The following SYF2 variants were observed in gnomAD, a reference collection of about 807,000 sequenced individuals.
SYF2 encodes the protein SYF2 pre-mRNA splicing factor.
In SYF2, 21 loss-of-function variants were observed where a neutral mutation model predicts 32.7. That is an observed-to-expected ratio of 0.64 (90% CI 0.45 to 0.92). The LOEUF (loss-of-function observed/expected upper bound fraction) is 0.92. Among genes scored for constraint, SYF2 ranks in the 40% least tolerant of loss-of-function variants. SYF2 has a pLI of 0.00. For synonymous variants in SYF2, 114 were observed against 103.9 expected (o/e 1.10, Z -0.59); for missense variants, 278 against 296.5 (o/e 0.94, Z 0.46).
rs891626007 is a variant in SYF2 at position 25,222,420 on chromosome 1, T to C, written c.*846A>G. Among the ~76,000 whole-genome samples, 2 of 151,914 alleles carry C rather than the reference T, an allele frequency of 1.3e-5. No individual in the cohort carries two copies. The highest frequency in any genetic ancestry group is 2.9e-5 in the Non-Finnish European group (2 of 68,010). On this transcript the variant is annotated 3_prime_UTR_variant, in exon 7 of 7. Coordinates refer to ENST00000236273, the MANE Select transcript of SYF2 (RefSeq NM_015484.5). ...TCAGAGATACATACTAAAATAATTA[T>C]AGATGAAATTATATATCTAGTATAT...
At position 25,227,478 on chromosome 1, in the gene SYF2, G is replaced by A. The variant is rs1362026244; in HGVS notation, c.431C>T (p.Pro144Leu). The change falls in exon 5 of 7, where the codon CCT becomes CTT. Residue 144 changes from proline to leucine, a missense_variant. Transcript: ENST00000236273. ...QYHRLTKQIK[P>L]DMETYERLRE... ...CAGTCTCTCATATGTTTCCATGTCAGGTTTGATCTGCTTGGTCAACCGATG... is the reference window on the plus strand; with the variant it reads ...CAGTCTCTCATATGTTTCCATGTCAAGTTTGATCTGCTTGGTCAACCGATG... 20 of 1,613,580 alleles carry A rather than the reference G, an allele frequency of 1.2e-5. No homozygotes were observed. The highest frequency in any genetic ancestry group is 1.7e-5 in the Non-Finnish European group (20 of 1,179,928).
chr1:25,230,818 G>C (rs1470315904), intron 2 of SYF2: 1 of 142,802 alleles, frequency 7.0e-6, no homozygotes, highest in African/African-American at 3.0e-5. Context: ...AGGTATCTTA[G>C]ATTTTTTTTT....
chr1:25,228,990 T>C lies in SYF2; in HGVS notation c.258+8A>G. 6.2e-7 allele frequency: 1 copy of C among 1,611,122 alleles called. No homozygotes were observed. Among genetic ancestry groups the C allele is most frequent in the Non-Finnish European group, 8.5e-7 (1 of 1,179,254 alleles). ...TAAATCACTTATGAAGATAGAATAGTTCCTAACCTTTTTCTTTTCCTCTTC... is the reference window on the plus strand; with the variant it reads ...TAAATCACTTATGAAGATAGAATAGCTCCTAACCTTTTTCTTTTCCTCTTC... On this transcript the variant is annotated splice_region_variant and intron_variant, in intron 3 of 6. Transcript: ENST00000236273.
intron 5 of SYF2, among the ~76,000 whole-genome samples, chr1:25,225,497 C>T (rs1363356133): frequency 6.8e-6 from 1 of 146,824 alleles, no homozygotes; most frequent in Non-Finnish European, 1.5e-5. Context: ...CACTGTGCTC[C>T]AGCTTGGGCG....
At chr1:25,230,601 T>C (rs1243256746) in intron 2 of SYF2, 1 of 152,174 alleles carries the variant, frequency 6.6e-6, no homozygotes, top group Admixed American at 6.5e-5. Flanking sequence ...GGAAAAGCCC[T>C]GCAATTAAAG....
Position 25,228,146 on chromosome 1 carries a change from CTT to C in SYF2, c.346_347del (p.Lys116GlufsTer5), listed in dbSNP as rs774658476. On this transcript the variant is annotated frameshift_variant, in exon 4 of 7. Coordinates refer to ENST00000236273, the MANE Select transcript of SYF2 (RefSeq NM_015484.5). LOFTEE classifies it high-confidence loss of function. ...EDAERWERKK[K>X]RKNPDLGFSD... Reference sequence around the variant, plus strand: ...AAAATCCCAGATCAGGGTTTTTCCTCTTCTTTTTCCTCTCCCATCTTTCTGCA... The same window carrying C: ...AAAATCCCAGATCAGGGTTTTTCCTCCTTTTTCCTCTCCCATCTTTCTGCA... 7 of 1,613,926 alleles carry C rather than the reference CTT, an allele frequency of 4.3e-6. No individual in the cohort carries two copies. The highest frequency in any genetic ancestry group is 5.9e-6 in the Non-Finnish European group (7 of 1,179,954).
chr1:25,227,238 G>A (rs560144936), intron 5 of SYF2, among the ~76,000 whole-genome samples: 12 of 152,188 alleles, frequency 7.9e-5, no homozygotes, highest in Middle Eastern at 3.4e-3. Context: ...AGCTGAGACC[G>A]CACCATTCAC....
intron 3 of SYF2, among the ~76,000 whole-genome samples, chr1:25,228,632 G>C (rs565043856): frequency 6.6e-6 from 1 of 152,120 alleles, no homozygotes; most frequent in Non-Finnish European, 1.5e-5. Flanking sequence ...CACTGCACCC[G>C]GCCACTTTAA....
intron 2 of SYF2, 109 bp downstream of exon 2, chr1:25,231,995 C>T: frequency 9.3e-7 from 1 of 1,072,954 alleles, no homozygotes; most frequent in Non-Finnish European, 1.4e-6. Flanking sequence ...TCAGATGATC[C>T]TGCTCTGTTG....
intron 3 of SYF2, 46 bp downstream of exon 3, chr1:25,228,952 C>A (rs765507595): frequency 6.3e-7 from 1 of 1,593,420 alleles, no homozygotes; most frequent in Non-Finnish European, 8.5e-7. Context: ...CTTGATACAA[C>A]AGAATGATTG....
At position 25,232,142 on chromosome 1, in the gene SYF2, G is replaced by A; in HGVS notation, c.94C>T (p.Gln32Ter). 1 of 1,614,068 alleles carries A rather than the reference G, an allele frequency of 6.2e-7. No homozygotes were observed. Among genetic ancestry groups the A allele is most frequent in the Non-Finnish European group, 8.5e-7 (1 of 1,180,022 alleles). ...AGCTCCCGGAATTTGCGCAGTCTCTGTTCGCGCTTCTGAGCGGCCAGCTCC... is the reference window on the plus strand; with the variant it reads ...AGCTCCCGGAATTTGCGCAGTCTCTATTCGCGCTTCTGAGCGGCCAGCTCC... ...AAELAAQKRE[Q>*]RLRKFRELHL... The change falls in exon 2 of 7, where the codon CAG becomes TAG. Residue 32 changes from glutamine to a stop codon, truncating the protein, a stop_gained. Transcript: ENST00000236273. LOFTEE classifies it high-confidence loss of function.
At chr1:25,231,219 G>A (rs546139496) in intron 2 of SYF2, 1 of 152,214 alleles carries the variant, frequency 6.6e-6, no homozygotes, top group African/African-American at 2.4e-5. Flanking sequence ...GGTCATTCTT[G>A]TAATTTGAAA....
intron 4 of SYF2, among the ~76,000 whole-genome samples, 189 bp downstream of exon 4, chr1:25,227,929 C>G (rs1638545232): frequency 1.3e-5 from 2 of 152,184 alleles, no homozygotes. Flanking sequence ...ATTTAAAAAC[C>G]TGGCTAACTG....
intron 2 of SYF2, chr1:25,231,888 G>A (rs910762935): frequency 9.7e-6 from 6 of 620,490 alleles, no homozygotes; most frequent in African/African-American, 7.3e-5. Context: ...GGATGTGGGT[G>A]GGAGAGGGGC....
rs1638426777 is a variant in SYF2, at chr1:25,222,442, A to G, written c.*824T>C. Among the ~76,000 whole-genome samples, 2 of 151,946 alleles carry G rather than the reference A, an allele frequency of 1.3e-5. No homozygotes were observed. Among genetic ancestry groups the G allele is most frequent in the South Asian group, 4.2e-4 (2 of 4,818 alleles). On this transcript the variant is annotated 3_prime_UTR_variant, in exon 7 of 7. Coordinates refer to ENST00000236273, the MANE Select transcript of SYF2 (RefSeq NM_015484.5). Reference sequence around the variant, plus strand: ...TTATAGATGAAATTATATATCTAGTATATGCGTCAAAATAAGAGTCATGAA... The same window carrying G: ...TTATAGATGAAATTATATATCTAGTGTATGCGTCAAAATAAGAGTCATGAA...
intron 5 of SYF2, among the ~76,000 whole-genome samples, chr1:25,226,709 G>C (rs945799663): frequency 6.6e-6 from 1 of 152,204 alleles, no homozygotes; most frequent in Non-Finnish European, 1.5e-5. Flanking sequence ...ACTAGGCCTG[G>C]CACAGTGGCT....
At chr1:25,224,117 C>T (rs1638460023) in intron 6 of SYF2, among the ~76,000 whole-genome samples, 1 of 152,094 alleles carries the variant, frequency 6.6e-6, no homozygotes, top group African/African-American at 2.4e-5. Context: ...TCGCTTGAAA[C>T]TGGCAGGTGG....
chr1:25,230,003 G>A (rs1638596314), intron 2 of SYF2, among the ~76,000 whole-genome samples: 1 of 152,122 alleles, frequency 6.6e-6, no homozygotes, highest in Non-Finnish European at 1.5e-5. Context: ...ATTTTTGGTA[G>A]AAACGTGGTT....
At chr1:25,228,076 C>G (rs1291093078) in intron 4 of SYF2, 42 bp downstream of exon 4, 1 of 1,500,102 alleles carries the variant, frequency 6.7e-7, no homozygotes, top group East Asian at 2.3e-5. Flanking sequence ...AAGGAAATGA[C>G]TAACAGCCCA....
Sources: gnomAD v4.1 joint callset for allele counts (sites outside exome capture counted in the v4.1 genomes callset) on GRCh38, gnomAD v4.1.1 for gene constraint, MANE v1.5 for transcripts, NCBI Gene and HGNC (gene_info 2026-07-23, HGNC 2026-07-21) for gene names.